ZFHX3: variants seen among roughly 807,000 people sequenced by gnomAD.
ZFHX3 encodes zinc finger homeobox 3, also known as zinc finger homeobox protein 3.
In ZFHX3, 42 loss-of-function variants were observed where a neutral mutation model predicts 279.1. That is an observed-to-expected ratio of 0.15 (90% confidence interval 0.12 to 0.19). The LOEUF (loss-of-function observed/expected upper bound fraction) is 0.19, where lower values mean the gene tolerates loss of function less well. ZFHX3 is among the 10% of genes least tolerant of loss of function. The probability of loss-of-function intolerance (pLI) is 1.00; values close to 1 mark genes in which losing one functional copy is unlikely to be tolerated. For missense variants in ZFHX3, 4,981 were observed against 4,754.0 expected (o/e 1.05, Z -1.40); for synonymous variants, 2,293 against 1,957.8 (o/e 1.17, Z -4.52).
chr16:73,518,228 C>T (rs13335891), intron 2 of ZFHX3, among the ~76,000 whole-genome samples: 3,170 of 152,254 alleles, frequency 0.021, 105 homozygotes, highest in African/African-American at 0.073. Flanking sequence ...CTGAGATCAT[C>T]GCCTTCTTTC....
intron 7 of ZFHX3, among the ~76,000 whole-genome samples, chr16:73,105,566 A>G (rs535121138): frequency 2.1e-3 from 315 of 151,952 alleles, no homozygotes; most frequent in Non-Finnish European, 3.4e-3. Context: ...CCGCCTGGCC[A>G]ACATGGCAAA....
intron 8 of ZFHX3, among the ~76,000 whole-genome samples, chr16:73,069,603 G>T (rs1041421110): frequency 6.6e-6 from 1 of 152,324 alleles, no homozygotes; most frequent in Middle Eastern, 3.4e-3. Context: ...TTGGTGGGTA[G>T]AGAAGGGGAA....
intron 8 of ZFHX3, among the ~76,000 whole-genome samples, chr16:73,064,970 T>C (rs1158768342): frequency 1.3e-5 from 2 of 152,194 alleles, no homozygotes; most frequent in Non-Finnish European, 2.9e-5. Flanking sequence ...GAGAGAGAAC[T>C]AACTTCATCA....
chr16:73,091,256 G>C (rs1015774027), intron 8 of ZFHX3, among the ~76,000 whole-genome samples: 1 of 149,704 alleles, frequency 6.7e-6, no homozygotes, highest in Non-Finnish European at 1.5e-5. Context: ...AAGCAGTAAA[G>C]ACCACTAATC....
intron 2 of ZFHX3, among the ~76,000 whole-genome samples, chr16:73,556,796 T>C (rs2020289859): frequency 6.6e-6 from 1 of 151,824 alleles, no homozygotes; most frequent in South Asian, 2.1e-4. Context: ...AAGATTGGCT[T>C]TAAGAAGGCC....
chr16:73,234,938 C>T (rs1435145976), intron 5 of ZFHX3, among the ~76,000 whole-genome samples: 2 of 152,282 alleles, frequency 1.3e-5, no homozygotes, highest in East Asian at 1.9e-4. Context: ...AAGAAGTACA[C>T]AGAGAAAAAG....
Position 73,071,456 on chromosome 16 carries a change from TCTG to T in ZFHX3, c.-532-12447_-532-12445del, listed in dbSNP as rs749188404. ...CGTGCAACTCGCTCCTGGTCTTTTCTCTGCTGCTGCTGCTGCTGCTGCCGCCGC... is the reference window on the plus strand; with the variant it reads ...CGTGCAACTCGCTCCTGGTCTTTTCTCTGCTGCTGCTGCTGCTGCCGCCGC... On this transcript the variant is annotated intron_variant, in intron 8 of 17. Transcript: ENST00000641206. Among the ~76,000 whole-genome samples the T allele has an allele frequency of 3.6e-3, 547 of 150,696 alleles. 4 individuals carry two copies. Among genetic ancestry groups the T allele is most frequent in the African/African-American group, 0.013 (512 of 40,310 alleles).
intron 1 of ZFHX3, among the ~76,000 whole-genome samples, chr16:73,767,474 C>G (rs1567403742): frequency 6.6e-6 from 1 of 152,038 alleles, no homozygotes; most frequent in African/African-American, 2.4e-5. Context: ...TGGAGATTAT[C>G]CTTACTGTTT....
chr16:73,525,285 G>A (rs961018009), intron 2 of ZFHX3, among the ~76,000 whole-genome samples: 3 of 152,150 alleles, frequency 2.0e-5, no homozygotes, highest in African/African-American at 4.8e-5. Flanking sequence ...CCAAAGTCAC[G>A]CCACTGTATT....
chr16:73,775,376 T>G (rs1346788173), intron 1 of ZFHX3, among the ~76,000 whole-genome samples: 2 of 152,200 alleles, frequency 1.3e-5, no homozygotes, highest in African/African-American at 4.8e-5. Context: ...ATTCACCTTC[T>G]GAATCTTTTA....
intron 2 of ZFHX3, among the ~76,000 whole-genome samples, chr16:73,547,697 C>G (rs1354406911): frequency 1.3e-5 from 2 of 152,084 alleles, no homozygotes; most frequent in African/African-American, 4.8e-5. Flanking sequence ...TTATTTAAAC[C>G]TGACTCAAGA....
At chr16:72,818,544 C>T (rs1400271940) in intron 5 of ZFHX3, among the ~76,000 whole-genome samples, 3 of 152,216 alleles carry the variant, frequency 2.0e-5, no homozygotes, top group Non-Finnish European at 4.4e-5. Flanking sequence ...TGCATGGTCT[C>T]ATTCTGCCTC....
rs1306491593 is a variant in ZFHX3 at position 72,793,050 on chromosome 16, T to C, written c.9427+205A>G. Among the ~76,000 whole-genome samples the C allele has an allele frequency of 2.0e-5, 3 of 152,246 alleles. No individual in the cohort carries two copies. Among genetic ancestry groups the C allele is most frequent in the Non-Finnish European group, 4.4e-5 (3 of 68,034 alleles). On this transcript the variant is annotated intron_variant, in intron 9 of 9. Transcript: ENST00000268489. The surrounding 1 kb of genome is among the most constrained non-coding windows in gnomAD (Gnocchi z 4.3). ...GGATAAGAGTGGTTTCAAAGGAGAC[T>C]GTTCCGACCAGGAGGTCCCATCCCT...
intron 1 of ZFHX3, among the ~76,000 whole-genome samples, chr16:73,760,131 G>A (rs573700170): frequency 1.5e-3 from 227 of 151,866 alleles, no homozygotes; most frequent in African/African-American, 4.7e-3. Context: ...TTACTCCACA[G>A]AAATACCATC....
intron 3 of ZFHX3, among the ~76,000 whole-genome samples, chr16:72,898,826 C>T (rs544426276): frequency 2.9e-4 from 44 of 151,948 alleles, no homozygotes; most frequent in Middle Eastern, 6.9e-3. Context: ...GAATGAACAC[C>T]CCCTACATCT....
At chr16:73,071,522 G>A (rs1305708476) in intron 8 of ZFHX3, among the ~76,000 whole-genome samples, 1 of 152,108 alleles carries the variant, frequency 6.6e-6, no homozygotes. Flanking sequence ...TTCTATCAGG[G>A]GCTGGGGAGG....
intron 3 of ZFHX3, among the ~76,000 whole-genome samples, chr16:73,428,749 T>C (rs540677237): frequency 1.9e-4 from 29 of 152,350 alleles, no homozygotes; most frequent in South Asian, 1.7e-3. Context: ...ACGCTCTCCA[T>C]TGAAGCTCAC....
At chr16:73,338,043 C>A (rs1047106074) in intron 3 of ZFHX3, among the ~76,000 whole-genome samples, 4 of 151,886 alleles carry the variant, frequency 2.6e-5, no homozygotes, top group Non-Finnish European at 5.9e-5. Flanking sequence ...CTAAGTTGCT[C>A]AATCAAAACC....
chr16:73,862,393 T>C (rs1042812163), intron 1 of ZFHX3, among the ~76,000 whole-genome samples: 4 of 152,216 alleles, frequency 2.6e-5, no homozygotes, highest in South Asian at 2.1e-4. Context: ...GCTTGACACA[T>C]AGTAAAAATC....
Sources: allele counts gnomAD v4.1 joint callset (sites outside exome capture counted in the v4.1 genomes callset), GRCh38; gene constraint gnomAD v4.1.1; non-coding constraint Gnocchi (gnomAD v3.1); transcripts MANE v1.5; gene names NCBI Gene and HGNC (gene_info 2026-07-23, HGNC 2026-07-21).